Variants in SDHAF4 observed in about 807,000 individuals in gnomAD.
SDHAF4 encodes the protein succinate dehydrogenase assembly factor 4, mitochondrial.
SDHAF4 carries 14 observed loss-of-function variants against 14.3 expected under a neutral mutation model. That is an observed-to-expected ratio of 0.98 (90% CI 0.65 to 1.53). The LOEUF is 1.53. Among genes scored for constraint, SDHAF4 ranks in the 40% most tolerant of loss-of-function variants. The pLI is 0.00. For missense variants in SDHAF4, 141 were observed against 129.3 expected (o/e 1.09, Z -0.44); for synonymous variants, 63 against 47.3 (o/e 1.33, Z -1.36).
chr6:70,575,844 C>T (rs79613497), intron 1 of SDHAF4, among the ~76,000 whole-genome samples: 2,432 of 152,168 alleles, frequency 0.016, 66 homozygotes, highest in African/African-American at 0.056. Flanking sequence ...TCAAACCACC[C>T]CTTGAAGTAG....
At chr6:70,581,755 A>T (rs1765127759) in intron 2 of SDHAF4, among the ~76,000 whole-genome samples, 1 of 152,104 alleles carries the variant, frequency 6.6e-6, no homozygotes, top group Non-Finnish European at 1.5e-5. Context: ...CCACAGGCAC[A>T]TACCACCATG....
intron 2 of SDHAF4, among the ~76,000 whole-genome samples, chr6:70,583,012 G>A (rs1003498510): frequency 2.0e-5 from 3 of 152,168 alleles, no homozygotes; most frequent in African/African-American, 7.2e-5. Context: ...TGTAAATAAC[G>A]ATGAACAGGA....
At chr6:70,592,399 C>G (rs982050156), downstream of SDHAF4, among the ~76,000 whole-genome samples, 1 of 152,056 alleles carries the variant, frequency 6.6e-6, no homozygotes, top group African/African-American at 2.4e-5. Context: ...CTTAAGTGGT[C>G]GTGACCAGAA....
In SDHAF4 at chr6:70,584,628, T is replaced by C. The variant is rs575190878; in HGVS notation, c.218-3987T>C. ...GTGAGAACAAAAAGTTTCAGAAAAC[T>C]GCAGGCTATTATAAGGGCAAAAATT... On this transcript the variant is annotated intron_variant, in intron 2 of 2. Coordinates refer to ENST00000370474, the MANE Select transcript of SDHAF4 (RefSeq NM_145267.3). 1.3e-5 allele frequency among the ~76,000 whole-genome samples: 2 copies of C among 152,136 alleles called. 1 individual carries two copies. The highest frequency in any genetic ancestry group is 4.2e-4 in the South Asian group (2 of 4,818).
intron 1 of SDHAF4, among the ~76,000 whole-genome samples, chr6:70,577,403 C>G (rs752816998): frequency 6.6e-6 from 1 of 152,188 alleles, no homozygotes; most frequent in African/African-American, 2.4e-5. Flanking sequence ...AAACCCCTAA[C>G]GCTGAGATCA....
intron 1 of SDHAF4, among the ~76,000 whole-genome samples, chr6:70,574,885 G>T (rs112296742): frequency 4.6e-4 from 70 of 152,152 alleles, no homozygotes; most frequent in African/African-American, 1.6e-3. Context: ...CCATGATTCT[G>T]CCACTACACT....
At chr6:70,567,910 C>T (rs887913587) in intron 1 of SDHAF4, among the ~76,000 whole-genome samples, 1 of 152,206 alleles carries the variant, frequency 6.6e-6, no homozygotes, top group Non-Finnish European at 1.5e-5. Flanking sequence ...TGGTCTCGAT[C>T]TCCTGACCTT....
chr6:70,580,055 TATG>T (rs908859003), intron 2 of SDHAF4, among the ~76,000 whole-genome samples: 1 of 143,264 alleles, frequency 7.0e-6, no homozygotes, highest in South Asian at 2.1e-4. Context: ...AATAATGAGG[TATG>T]ATAAATAAAT....
At chr6:70,578,419 G>A (rs904875457) in intron 1 of SDHAF4, among the ~76,000 whole-genome samples, 20 of 152,052 alleles carry the variant, frequency 1.3e-4, no homozygotes, top group African/African-American at 4.6e-4. Flanking sequence ...TTTTAGTGCG[G>A]TTGTTGTTTG....
chr6:70,582,898 C>A (rs1765152111), intron 2 of SDHAF4, among the ~76,000 whole-genome samples: 1 of 152,082 alleles, frequency 6.6e-6, no homozygotes, highest in Admixed American at 6.5e-5. Flanking sequence ...TGTAGGTTGT[C>A]TCCTTGAAAA....
chr6:70,584,811 G>A (rs1328396365), intron 2 of SDHAF4, among the ~76,000 whole-genome samples: 2 of 152,186 alleles, frequency 1.3e-5, no homozygotes, highest in Non-Finnish European at 2.9e-5. Flanking sequence ...CATCAGGAAA[G>A]AGATTGGTGA....
rs201647564 is a variant in SDHAF4, at chr6:70,567,013, C to T, written c.64+9C>T. The T allele has an allele frequency of 4.4e-6, 7 of 1,580,898 alleles. No individual in the cohort carries two copies. In the African/African-American group the frequency reaches 8.1e-5, roughly 18 times the overall value. ...GGCGTGGAGAGCGGCAAGTAAGCAC[C>T]TGGCCTCGGGGCCACGGTCGCGGGA... On this transcript the variant is annotated intron_variant, in intron 1 of 2. Transcript: ENST00000370474.
chr6:70,586,801 T>C (rs1378298362), intron 2 of SDHAF4, among the ~76,000 whole-genome samples: 1 of 152,112 alleles, frequency 6.6e-6, no homozygotes, highest in Non-Finnish European at 1.5e-5. Flanking sequence ...TTGCTGAAGA[T>C]AATGTAAATG....
intron 1 of SDHAF4, among the ~76,000 whole-genome samples, chr6:70,572,551 CAATT>C (rs1025993196): frequency 3.3e-5 from 5 of 151,894 alleles, no homozygotes; most frequent in Admixed American, 3.3e-4. Context: ...TAATATTTAT[CAATT>C]AAAAAATGAA....
At chr6:70,584,218 T>C (rs1251361811) in intron 2 of SDHAF4, among the ~76,000 whole-genome samples, 1 of 152,156 alleles carries the variant, frequency 6.6e-6, no homozygotes, top group Non-Finnish European at 1.5e-5. Flanking sequence ...GGTTTCACCA[T>C]GTTAGCCAGG....
the SDHAF4 span, among the ~76,000 whole-genome samples, chr6:70,595,259 GT>G: frequency 6.6e-6 from 1 of 152,166 alleles, no homozygotes; most frequent in Non-Finnish European, 1.5e-5. Flanking sequence ...AGGAAGAAAG[GT>G]TTTGCAAAAC....
At chr6:70,581,860 C>T (rs954996439) in intron 2 of SDHAF4, among the ~76,000 whole-genome samples, 5 of 152,124 alleles carry the variant, frequency 3.3e-5, no homozygotes, top group African/African-American at 2.4e-5. Context: ...CCTTCTGCCT[C>T]GGCCTCCCAA....
chr6:70,587,536 T>C (rs1765215894), intron 2 of SDHAF4, among the ~76,000 whole-genome samples: 1 of 152,160 alleles, frequency 6.6e-6, no homozygotes. Context: ...TGTCTAATAG[T>C]TGGTTCCTCT....
At chr6:70,567,843 G>A (rs970524149) in intron 1 of SDHAF4, among the ~76,000 whole-genome samples, 2 of 152,044 alleles carry the variant, frequency 1.3e-5, no homozygotes, top group Non-Finnish European at 1.5e-5. Context: ...CCGCCACCGT[G>A]CCTGACTAAT....
Sources: allele counts gnomAD v4.1 joint callset (sites outside exome capture counted in the v4.1 genomes callset), GRCh38; gene constraint gnomAD v4.1.1; transcripts MANE v1.5; gene names NCBI Gene and HGNC (gene_info 2026-07-23, HGNC 2026-07-21).